The following PDE1C variants were observed in gnomAD, a reference collection of about 807,000 sequenced individuals.
PDE1C encodes dual specificity calcium/calmodulin-dependent 3',5'-cyclic nucleotide phosphodiesterase 1C.
Under a neutral mutation model 93.1 loss-of-function variants are expected in PDE1C, and 62 were observed. That is an observed-to-expected ratio of 0.67 (90% confidence interval 0.54 to 0.82). PDE1C has a LOEUF of 0.82. PDE1C is among the 40% of genes least tolerant of loss of function. PDE1C has a pLI of 0.00. For missense variants in PDE1C, 742 were observed against 884.6 expected (o/e 0.84, Z 2.04); for synonymous variants, 325 against 310.1 (o/e 1.05, Z -0.50).
intron 2 of PDE1C, among the ~76,000 whole-genome samples, chr7:31,972,512 A>T (rs750943338): frequency 6.6e-6 from 1 of 152,228 alleles, no homozygotes; most frequent in Admixed American, 6.5e-5. Flanking sequence ...TGTCATGTGC[A>T]GAAGTGCAGC....
chr7:32,124,776 G>A (rs1799481578), intron 3 of PDE1C, among the ~76,000 whole-genome samples: 1 of 152,058 alleles, frequency 6.6e-6, no homozygotes, highest in African/African-American at 2.4e-5. Flanking sequence ...AAAACCCTAT[G>A]AGAAAACCTC....
chr7:31,794,935 T>A (rs1409927758), intron 16 of PDE1C, among the ~76,000 whole-genome samples: 2 of 151,956 alleles, frequency 1.3e-5, no homozygotes, highest in Non-Finnish European at 2.9e-5. Context: ...GCAGAAAAGA[T>A]TCTAAATGAT....
chr7:32,387,800 CG>C (rs1231111418), intron 1 of PDE1C, among the ~76,000 whole-genome samples: 4 of 141,110 alleles, frequency 2.8e-5, no homozygotes, highest in African/African-American at 1.1e-4. Flanking sequence ...GCTGGCCGGG[CG>C]GGGGGCTGAC....
At chr7:32,170,041 A>AAGCAG (rs1802547780) in intron 2 of PDE1C, 2 of 1,193,402 alleles carry the variant, frequency 1.7e-6, no homozygotes, top group Non-Finnish European at 2.4e-6. Flanking sequence ...GGATCTTCCA[A>AAGCAG]AGCAGAGCAG....
chr7:31,721,392 T>C, the PDE1C span, among the ~76,000 whole-genome samples: 1 of 152,212 alleles, frequency 6.6e-6, no homozygotes, highest in African/African-American at 2.4e-5. Context: ...ACTAACTACT[T>C]GAGCACTTGA....
intron 15 of PDE1C, among the ~76,000 whole-genome samples, chr7:31,812,772 T>C (rs779063601): frequency 1.3e-5 from 2 of 152,128 alleles, no homozygotes; most frequent in East Asian, 1.9e-4. Context: ...GGAATAAGTA[T>C]ATTGTAAGCC....
At chr7:32,078,084 G>A (rs999784572) in intron 3 of PDE1C, 12 of 948,050 alleles carry the variant, frequency 1.3e-5, no homozygotes, top group Non-Finnish European at 1.0e-5. Flanking sequence ...ACGTAAAACT[G>A]CTGATGCTAC....
chr7:32,079,752 G>A (rs535133656), intron 3 of PDE1C, among the ~76,000 whole-genome samples: 1 of 152,208 alleles, frequency 6.6e-6, no homozygotes, highest in Non-Finnish European at 1.5e-5. Flanking sequence ...GCCAAGAGTG[G>A]GGAGGCAGGA....
the PDE1C span, among the ~76,000 whole-genome samples, chr7:31,617,471 A>C: frequency 6.8e-6 from 1 of 146,404 alleles, no homozygotes; most frequent in Non-Finnish European, 1.5e-5. Flanking sequence ...GTGAATTAGT[A>C]TAAAAATCAA....
Position 32,155,377 on chromosome 7 carries a change from T to C in PDE1C, c.308+14408A>G, listed in dbSNP as rs182722113. Among the ~76,000 whole-genome samples, 550 of 152,300 alleles carry C rather than the reference T, an allele frequency of 3.6e-3. 1 individual carries two copies. The highest frequency in any genetic ancestry group is 6.2e-3 in the Non-Finnish European group (420 of 68,006). On this transcript the variant is annotated intron_variant, in intron 3 of 18. Coordinates refer to the PDE1C transcript ENST00000396193. ...TCAACGGCTTAACACATAGAGCTTG[T>C]AGAAAAATGCTTAACACACAATCTC...
rs1562686424 is a variant in PDE1C, at chr7:32,350,558, A to AAGTCTTTTTAGTCTACAGGTATTGCC, written c.310+77263_310+77264insGGCAATACCTGTAGACTAAAAAGACT. 1.8e-3 allele frequency among the ~76,000 whole-genome samples: 2 copies of AAGTCTTTTTAGTCTACAGGTATTGCC among 1,110 alleles called. 1 individual carries two copies. Among genetic ancestry groups the AAGTCTTTTTAGTCTACAGGTATTGCC allele is most frequent in the East Asian group, 0.25 (2 of 8 alleles). 0.7% of individuals were successfully genotyped at this position (1,110 alleles called of 152,430 possible). A position where few individuals can be genotyped will look rare whatever the true frequency, so the allele number is the denominator to read the frequency against. On this transcript the variant is annotated intron_variant, in intron 1 of 1. Transcript: ENST00000672256. ...CATGGCATTTGACTAATATATATAT[A>AAGTCTTTTTAGTCTACAGGTATTGCC]TATATATATATATATATATATATAT...
the PDE1C span, among the ~76,000 whole-genome samples, chr7:31,685,923 T>A: frequency 4.6e-5 from 7 of 152,148 alleles, no homozygotes; most frequent in African/African-American, 1.7e-4. Flanking sequence ...TCTGTTACCA[T>A]GGCAAAAGTC....
intron 2 of PDE1C, among the ~76,000 whole-genome samples, chr7:31,921,944 C>T (rs569944954): frequency 2.6e-5 from 4 of 152,118 alleles, no homozygotes; most frequent in African/African-American, 7.2e-5. Context: ...CTATGAGATA[C>T]GTATTTGTAT....
chr7:32,091,171 T>C (rs928832215), intron 3 of PDE1C, among the ~76,000 whole-genome samples: 8 of 152,216 alleles, frequency 5.3e-5, no homozygotes, highest in Admixed American at 4.6e-4. Flanking sequence ...TAGTATTTCA[T>C]AGATGAGGAA....
intron 2 of PDE1C, among the ~76,000 whole-genome samples, chr7:31,913,626 A>G (rs1045327895): frequency 6.6e-6 from 1 of 152,202 alleles, no homozygotes; most frequent in Non-Finnish European, 1.5e-5. Context: ...GGGTGATTTC[A>G]TCATTTAAGG....
At chr7:32,128,889 G>A (rs1584815641) in intron 3 of PDE1C, among the ~76,000 whole-genome samples, 1 of 105,950 alleles carries the variant, frequency 9.4e-6, no homozygotes, top group Non-Finnish European at 1.8e-5. Context: ...ATGTACCCTA[G>A]AACTTAAAGT....
At chr7:32,371,722 A>T (rs1784338224) in intron 1 of PDE1C, among the ~76,000 whole-genome samples, 1 of 152,264 alleles carries the variant, frequency 6.6e-6, no homozygotes, top group South Asian at 2.1e-4. Context: ...ATGGAAAAAC[A>T]TTCTATGTTC....
At chr7:31,947,387 T>C (rs1806762742) in intron 2 of PDE1C, among the ~76,000 whole-genome samples, 1 of 152,232 alleles carries the variant, frequency 6.6e-6, no homozygotes, top group Admixed American at 6.5e-5. Flanking sequence ...TAGACAAGTT[T>C]ACAAATAAAA....
chr7:31,619,689 G>T, the PDE1C span, among the ~76,000 whole-genome samples: 39 of 152,078 alleles, frequency 2.6e-4, no homozygotes, highest in Admixed American at 2.2e-3. Context: ...CGCAGAAGAC[G>T]GGTGATTTCT....
Sources: gnomAD v4.1 joint callset for allele counts (sites outside exome capture counted in the v4.1 genomes callset) on GRCh38, gnomAD v4.1.1 for gene constraint, MANE v1.5 for transcripts, NCBI Gene and HGNC (gene_info 2026-07-23, HGNC 2026-07-21) for gene names.